EBF2: variants seen among roughly 807,000 people sequenced by gnomAD.
The protein encoded by EBF2 is transcription factor COE2.
A neutral mutation model predicts 72.8 loss-of-function variants in EBF2; 21 were observed. The ratio of observed to expected loss-of-function variants is 0.29; its 90% CI spans 0.20 to 0.42. The LOEUF is 0.42. Ranked by LOEUF, EBF2 falls within the 10% of genes least tolerant of loss-of-function variation. EBF2 has a pLI of 1.00. For synonymous variants in EBF2, 299 were observed against 274.2 expected (o/e 1.09, Z -0.89); for missense variants, 637 against 731.2 (o/e 0.87, Z 1.49).
intron 6 of EBF2, among the ~76,000 whole-genome samples, chr8:26,004,432 T>A (rs1804792837): frequency 1.3e-5 from 2 of 152,126 alleles, no homozygotes; most frequent in South Asian, 4.1e-4. Flanking sequence ...TCCAACATTT[T>A]GGGAGGCCAA....
intron 6 of EBF2, among the ~76,000 whole-genome samples, chr8:25,913,356 G>A (rs1310013558): frequency 1.3e-5 from 2 of 151,994 alleles, no homozygotes; most frequent in African/African-American, 4.8e-5. Context: ...CAGGAGAATC[G>A]CTTGAACCTG....
chr8:25,988,839 G>C (rs1804501070), intron 6 of EBF2, among the ~76,000 whole-genome samples: 1 of 152,168 alleles, frequency 6.6e-6, no homozygotes, highest in Non-Finnish European at 1.5e-5. Flanking sequence ...TAACTAAATA[G>C]TGGAAAAGCA....
intron 10 of EBF2, among the ~76,000 whole-genome samples, chr8:25,876,680 T>C (rs1802527138): frequency 6.6e-6 from 1 of 152,170 alleles, no homozygotes; most frequent in Non-Finnish European, 1.5e-5. Context: ...TCGTGTTTTG[T>C]AATAAACTGT....
intron 7 of EBF2, among the ~76,000 whole-genome samples, chr8:25,895,279 G>A (rs1317479174): frequency 6.6e-6 from 1 of 152,170 alleles, no homozygotes; most frequent in Non-Finnish European, 1.5e-5. Context: ...CCAAGTTTCT[G>A]AGAGAGAAAT....
At chr8:25,858,651 C>CTTTT (rs34189731) in intron 13 of EBF2, 147 bp from the exon 14 acceptor site, 16 of 136,550 alleles carry the variant, frequency 1.2e-4, no homozygotes, top group East Asian at 5.3e-4. Flanking sequence ...CCATCTTTAG[C>CTTTT]TTTTTTTTTT....
intron 6 of EBF2, among the ~76,000 whole-genome samples, chr8:25,972,251 C>T (rs1804202426): frequency 1.3e-5 from 2 of 152,122 alleles, no homozygotes; most frequent in South Asian, 2.1e-4. Flanking sequence ...TCGTAGACCC[C>T]GAGGGAGCCA....
intron 6 of EBF2, among the ~76,000 whole-genome samples, chr8:25,987,914 T>C (rs914981991): frequency 1.3e-5 from 2 of 152,000 alleles, no homozygotes; most frequent in African/African-American, 4.8e-5. Context: ...ATCATCTTCA[T>C]TGTCATGTCT....
intron 6 of EBF2, among the ~76,000 whole-genome samples, chr8:25,956,187 G>A (rs1803943346): frequency 6.6e-6 from 1 of 152,108 alleles, no homozygotes; most frequent in Non-Finnish European, 1.5e-5. Flanking sequence ...GGGAGGCTGA[G>A]GCGGGCAGAT....
At chr8:25,881,190 A>G (rs1250414929) in intron 10 of EBF2, among the ~76,000 whole-genome samples, 2 of 152,152 alleles carry the variant, frequency 1.3e-5, no homozygotes, top group Non-Finnish European at 2.9e-5. Flanking sequence ...GGCAAATCTG[A>G]TGGTGGCAAT....
chr8:26,041,436 G>A (rs960081511), intron 2 of EBF2: 4 of 196,650 alleles, frequency 2.0e-5, no homozygotes, highest in Non-Finnish European at 1.0e-5. Flanking sequence ...GCGCACGCAG[G>A]GCCACGAGCT....
rs756203261 is a variant in EBF2, at chr8:25,858,399, C to T, written c.1448G>A (p.Ser483Asn). 11 of 1,614,142 alleles carry T rather than the reference C, an allele frequency of 6.8e-6. No homozygotes were observed. The Admixed American group carries it at 1.7e-4, about 24-fold the overall frequency. Reference protein sequence around the residue: ...STSSNSMNGYSNVPMANLGVP... With the variant: ...STSSNSMNGYNNVPMANLGVP... ...ACCCAAGTTGGCCATGGGGACATTG[C>T]TGTAGCCATTCATACTGTTGCTGGA... Residue 483 changes from serine (S) to asparagine (N), a missense_variant, in exon 14 of 16, where the codon AGC (serine) becomes AAC (asparagine). Transcript: ENST00000520164.
chr8:25,890,844 G>A (rs1385533493), intron 7 of EBF2, among the ~76,000 whole-genome samples: 2 of 152,298 alleles, frequency 1.3e-5, no homozygotes, highest in Admixed American at 1.3e-4. Context: ...GAAATCAGAA[G>A]CACTTCTAGA....
intron 6 of EBF2, among the ~76,000 whole-genome samples, chr8:25,987,684 C>T (rs529390120): frequency 4.6e-5 from 7 of 152,288 alleles, no homozygotes; most frequent in African/African-American, 1.7e-4. Flanking sequence ...GGTCTCCTAA[C>T]TTCCAGGTTG....
At chr8:25,960,324 C>T (rs1011734131) in intron 6 of EBF2, among the ~76,000 whole-genome samples, 3 of 152,168 alleles carry the variant, frequency 2.0e-5, no homozygotes, top group East Asian at 1.9e-4. Context: ...TCAGGGCCAG[C>T]GGTGGCTCTC....
chr8:25,858,600 A>T, intron 13 of EBF2, 96 bp from the exon 14 acceptor site: 1 of 1,213,206 alleles, frequency 8.2e-7, no homozygotes, highest in Non-Finnish European at 1.1e-6. Flanking sequence ...AGACTGCAGA[A>T]TGTCACCAGC....
chr8:26,028,397 C>T (rs1166000393), intron 6 of EBF2, among the ~76,000 whole-genome samples: 7 of 152,178 alleles, frequency 4.6e-5, no homozygotes, highest in Non-Finnish European at 7.3e-5. Context: ...GTTGGACCTC[C>T]TCTTTATTTA....
Position 25,842,815 on chromosome 8 carries a change from T to C in EBF2, c.*1794A>G, listed in dbSNP as rs1022490741. 6.6e-6 allele frequency: 1 copy of C among 152,162 alleles called. No homozygotes were observed. Among genetic ancestry groups the C allele is most frequent in the Non-Finnish European group, 1.5e-5 (1 of 68,022 alleles). The allele number at this position is 152,162 out of a possible 1,614,324, so 9.4% of individuals were successfully genotyped here. On this transcript the variant is annotated 3_prime_UTR_variant, in exon 16 of 16. Coordinates refer to ENST00000520164, the MANE Select transcript of EBF2 (RefSeq NM_022659.4). ...GCATCAATGGGTCAAAGAGAAGGTA[T>C]GCAGAATTAATGAAATCATCTAAAA...
At chr8:26,037,114 A>C (rs938169130) in intron 5 of EBF2, among the ~76,000 whole-genome samples, 7 of 152,164 alleles carry the variant, frequency 4.6e-5, no homozygotes, top group Non-Finnish European at 8.8e-5. Flanking sequence ...AAACACTCTC[A>C]ATTTATTCTC....
rs1563373760 is a variant in EBF2, at chr8:25,850,718, G to A, written c.1572C>T (p.Ser524=). The A allele has an allele frequency of 6.4e-7, 1 of 1,560,428 alleles. No homozygotes were observed. The highest frequency in any genetic ancestry group is 8.6e-7 in the Non-Finnish European group (1 of 1,161,060). ...SPTVGSSSTS[S]ILPFSSSVFP... Reference sequence around the variant, plus strand: ...AAACTGAAGAGGAAAATGGGAGGATGGAGGATGTGCTGGAAGACCCAACGG... The same window carrying A: ...AAACTGAAGAGGAAAATGGGAGGATAGAGGATGTGCTGGAAGACCCAACGG... The change falls in exon 15 of 16, where the codon TCC becomes TCT. Residue 524 remains serine, a synonymous_variant. Transcript: ENST00000520164.
Sources: allele counts gnomAD v4.1 joint callset (sites outside exome capture counted in the v4.1 genomes callset), GRCh38; gene constraint gnomAD v4.1.1; transcripts MANE v1.5; gene names NCBI Gene and HGNC (gene_info 2026-07-23, HGNC 2026-07-21).